The following ZSWIM9 variants were observed in gnomAD, a reference collection of about 807,000 sequenced individuals.
The protein encoded by ZSWIM9 is zinc finger SWIM-type containing 9, also known as uncharacterized protein ZSWIM9.
In ZSWIM9, 11 loss-of-function variants were observed where a neutral mutation model predicts 25.0. The observed-to-expected ratio is 0.44, with a 90% CI of 0.28 to 0.73. The LOEUF (loss-of-function observed/expected upper bound fraction) is 0.73, where lower values mean the gene tolerates loss of function less well. Among genes scored for constraint, ZSWIM9 ranks in the 30% least tolerant of loss-of-function variants. The pLI is 0.16. For missense variants in ZSWIM9, 1,070 were observed against 1,296.5 expected (o/e 0.83, Z 2.68); for synonymous variants, 562 against 582.1 (o/e 0.97, Z 0.50).
chr19:48,187,936 TTAAATAGA>T (rs1330182615), intron 3 of ZSWIM9, among the ~76,000 whole-genome samples: 14 of 130,210 alleles, frequency 1.1e-4, no homozygotes, highest in Middle Eastern at 3.8e-3. Flanking sequence ...GTGAGACCCT[TTAAATAGA>T]TAGATAGATA....
intron 3 of ZSWIM9, among the ~76,000 whole-genome samples, chr19:48,187,471 TATATATA>T (rs1453445329): frequency 4.7e-5 from 4 of 85,020 alleles, no homozygotes; most frequent in Non-Finnish European, 8.3e-5. Flanking sequence ...TTATATATAT[TATATATA>T]TTATATATTA....
At chr19:48,171,675 G>T in intron 1 of ZSWIM9, 119 bp from the exon 2 acceptor site, 1 of 1,007,436 alleles carries the variant, frequency 9.9e-7, no homozygotes, top group Non-Finnish European at 1.4e-6. Flanking sequence ...GTCCGACCCC[G>T]GGCTACCCAC....
rs372505634 is a variant in ZSWIM9 at position 48,197,390 on chromosome 19, AG to A, written c.*568del. ...AGGAGAGGAAGGGACGGGATGTAGG[AG>A]GGGGAAGAAAAATCGGAGATGAGAC... On this transcript the variant is annotated 3_prime_UTR_variant, in exon 4 of 4. Transcript: ENST00000614654. 5.5e-4 allele frequency: 357 copies of A among 643,250 alleles called. 4 individuals are homozygous for A. The East Asian group carries it at 7.5e-3, about 13-fold the overall frequency. 39.8% of individuals were successfully genotyped at this position (643,250 alleles called of 1,614,324 possible).
intron 3 of ZSWIM9, among the ~76,000 whole-genome samples, chr19:48,185,471 A>G (rs981556416): frequency 6.6e-6 from 1 of 152,228 alleles, no homozygotes; most frequent in African/African-American, 2.4e-5. Flanking sequence ...AAGAAGTTCT[A>G]GGACAGGAGA....
Position 48,194,990 on chromosome 19 carries a change from T to C in ZSWIM9, c.926T>C (p.Leu309Pro). 7.5e-7 allele frequency: 1 copy of C among 1,333,998 alleles called. No homozygotes were observed. The highest frequency in any genetic ancestry group is 9.5e-7 in the Non-Finnish European group (1 of 1,047,200). 82.6% of individuals were successfully genotyped at this position (1,333,998 alleles called of 1,614,324 possible). A position where few individuals can be genotyped will look rare whatever the true frequency, so the allele number is the denominator to read the frequency against. ...AAQLPAVRQL[L>P]PCARVQICRA... ...CAGTTGCCTGCAGTGCGCCAGCTGC[T>C]GCCCTGCGCGCGCGTGCAGATCTGC... is the stretch of plus-strand genomic sequence containing the variant. Residue 309 changes from leucine (L) to proline (P), a missense_variant, in exon 4 of 4, where the codon CTG (leucine) becomes CCG (proline). By Grantham distance (98) the Leu-to-Pro change is moderately conservative. Around this residue, in one of 4 missense-constraint regions of ZSWIM9, gnomAD observed 184 missense variants for 243.1 expected, o/e 0.76. Coordinates refer to ENST00000614654, the MANE Select transcript of ZSWIM9 (RefSeq NM_199341.4). This position sits in a 1 kb window ranked among gnomAD's most constrained non-coding sequence, Gnocchi z 6.0.
intron 2 of ZSWIM9, among the ~76,000 whole-genome samples, chr19:48,176,982 G>A (rs1030935417): frequency 6.6e-6 from 1 of 152,000 alleles, no homozygotes; most frequent in African/African-American, 2.4e-5. Context: ...GGCTGAGGCA[G>A]GAGAATTGCT....
intron 3 of ZSWIM9, among the ~76,000 whole-genome samples, chr19:48,192,480 A>AATATATATATATATATAT (rs1555787871): frequency 5.8e-4 from 10 of 17,364 alleles, no homozygotes; most frequent in Admixed American, 1.0e-3. Flanking sequence ...AAAAAAAAAA[A>AATATATATATATATATAT]ATATATATAT....
rs2037165269 is a variant in ZSWIM9, at chr19:48,196,348, G to A, written c.2284G>A (p.Gly762Arg). 2 of 1,232,750 alleles carry A rather than the reference G, an allele frequency of 1.6e-6. No individual in the cohort carries two copies. The highest frequency in any genetic ancestry group is 4.1e-5 in the South Asian group (1 of 24,360). 76.4% of individuals were successfully genotyped at this position (1,232,750 alleles called of 1,614,324 possible). Residue 762 changes from glycine to arginine, a missense_variant, in exon 4 of 4, where the codon GGG (glycine) becomes AGG (arginine). By Grantham distance (125) the Gly-to-Arg change is moderately radical (BLOSUM62 -2). Coordinates refer to ENST00000614654, the MANE Select transcript of ZSWIM9 (RefSeq NM_199341.4). ...GDAGGRCLGL[G>R]NGVVSGTPVG... ...CGCAGGAGGGCGGTGTCTAGGGCTGGGGAATGGAGTCGTGTCTGGCACCCC... is the reference window on the plus strand; with the variant it reads ...CGCAGGAGGGCGGTGTCTAGGGCTGAGGAATGGAGTCGTGTCTGGCACCCC...
rs955809363 is a variant in ZSWIM9, at chr19:48,197,121, G to A, written c.*294G>A. On this transcript the variant is annotated 3_prime_UTR_variant, in exon 4 of 4. Transcript: ENST00000614654. ...AGAGGTGTAGACAGGGTCAGGCTGG[G>A]ACAGAAGGAAGGAAAGGGGCAGAGC... 7.8e-5 allele frequency: 52 copies of A among 670,172 alleles called. No homozygotes were observed. In the East Asian group the frequency reaches 1.3e-3, roughly 17 times the overall value. 41.5% of individuals were successfully genotyped at this position (670,172 alleles called of 1,614,324 possible).
rs1342352764 is a variant in ZSWIM9, at chr19:48,195,154, G to A, written c.1090G>A (p.Glu364Lys). 12 of 1,513,838 alleles carry A rather than the reference G, an allele frequency of 7.9e-6. No individual in the cohort carries two copies. Among genetic ancestry groups the A allele is most frequent in the African/African-American group, 2.8e-5 (2 of 70,376 alleles). 93.8% of individuals were successfully genotyped at this position (1,513,838 alleles called of 1,614,324 possible). A position where few individuals can be genotyped will look rare whatever the true frequency, so the allele number is the denominator to read the frequency against. The part of the protein sequence containing the change: ...SPAAYDEALA[E>K]LHAHGPAAFV... ...CGCAGCCTACGACGAGGCGCTGGCCGAGCTCCACGCCCACGGCCCAGCCGC... is the reference window on the plus strand; with the variant it reads ...CGCAGCCTACGACGAGGCGCTGGCCAAGCTCCACGCCCACGGCCCAGCCGC... Residue 364 changes from glutamate (E) to lysine (K), a missense_variant, in exon 4 of 4, where the codon GAG (glutamate) becomes AAG (lysine). Physicochemically the swap from Glu to Lys is moderately conservative, Grantham distance 56. This residue lies in a region of ZSWIM9 where 184 missense variants were observed against 243.1 expected (regional missense o/e 0.76). Transcript: ENST00000614654. The surrounding 1 kb of genome is among the most constrained non-coding windows in gnomAD (Gnocchi z 5.8).
Position 48,176,747 on chromosome 19 carries a change from A to T in ZSWIM9, c.275+4670A>T, listed in dbSNP as rs140673627. Among the ~76,000 whole-genome samples the T allele has an allele frequency of 5.9e-5, 9 of 151,990 alleles. No homozygotes were observed. In the East Asian group the frequency reaches 1.7e-3, roughly 29 times the overall value. Reference sequence around the variant, plus strand: ...TTTAGATGCTGGGATTTCTGTGGGGAGCGTACATTACAGATGGACATAAAT... The same window carrying T: ...TTTAGATGCTGGGATTTCTGTGGGGTGCGTACATTACAGATGGACATAAAT... On this transcript the variant is annotated intron_variant, in intron 2 of 3. Coordinates refer to ENST00000614654, the MANE Select transcript of ZSWIM9 (RefSeq NM_199341.4).
intron 2 of ZSWIM9, chr19:48,174,669 C>CTTA (rs2036874886): frequency 6.6e-6 from 1 of 152,214 alleles, no homozygotes; most frequent in African/African-American, 2.4e-5. Flanking sequence ...ATTCTTGCAA[C>CTTA]TTCTTTCTCA....
intron 3 of ZSWIM9, among the ~76,000 whole-genome samples, chr19:48,189,141 T>TG (rs1568580811): frequency 6.6e-6 from 1 of 152,156 alleles, no homozygotes; most frequent in Non-Finnish European, 1.5e-5. Flanking sequence ...ATCCCACTAC[T>TG]GGTGATTTAT....
At chr19:48,185,295 A>C (rs1470150487) in intron 3 of ZSWIM9, among the ~76,000 whole-genome samples, 1 of 151,508 alleles carries the variant, frequency 6.6e-6, no homozygotes, top group Admixed American at 6.6e-5. Flanking sequence ...ATGCGCCACC[A>C]TGCTAATTTT....
Position 48,196,645 on chromosome 19 carries a change from G to A in ZSWIM9, c.2581G>A (p.Ala861Thr). ...TTTCCACTGGACCGGAGCTGGCTTT[G>A]CCCTTAAGGACGGCACCTCGGACTT... The part of the protein sequence containing the change: ...RGFHWTGAGF[A>T]LKDGTSDFFL... Residue 861 changes from alanine to threonine, a missense_variant, in exon 4 of 4, where the codon GCC (alanine) becomes ACC (threonine). Transcript: ENST00000614654. 8.1e-7 allele frequency: 1 copy of A among 1,232,704 alleles called. No homozygotes were observed. Among genetic ancestry groups the A allele is most frequent in the Non-Finnish European group, 1.0e-6 (1 of 988,404 alleles). The allele number at this position is 1,232,704 out of a possible 1,614,324, so 76.4% of individuals were successfully genotyped here. A position where few individuals can be genotyped will look rare whatever the true frequency, so the allele number is the denominator to read the frequency against.
intron 3 of ZSWIM9, chr19:48,187,707 G>A (rs1206084451): frequency 7.1e-6 from 1 of 140,210 alleles, no homozygotes; most frequent in Non-Finnish European, 1.5e-5. Flanking sequence ...GGAGGCCGAA[G>A]CGAGAGGATC....
chr19:48,196,844 C>A lies in ZSWIM9; in HGVS notation c.*17C>A. On this transcript the variant is annotated 3_prime_UTR_variant, in exon 4 of 4. Transcript: ENST00000614654. ...GAGCCCTGACCCTTCATGCCTCTGCCCACCACCCTCCACCAGGAGGGTCGG... is the reference window on the plus strand; with the variant it reads ...GAGCCCTGACCCTTCATGCCTCTGCACACCACCCTCCACCAGGAGGGTCGG... 8.0e-7 allele frequency: 1 copy of A among 1,246,054 alleles called. No individual in the cohort carries two copies. Among genetic ancestry groups the A allele is most frequent in the South Asian group, 3.9e-5 (1 of 25,852 alleles). 77.2% of individuals were successfully genotyped at this position (1,246,054 alleles called of 1,614,324 possible). A position where few individuals can be genotyped will look rare whatever the true frequency, so the allele number is the denominator to read the frequency against.
At chr19:48,186,431 A>G (rs569248190) in intron 3 of ZSWIM9, 11 of 152,392 alleles carry the variant, frequency 7.2e-5, no homozygotes, top group Non-Finnish European at 1.2e-4. Flanking sequence ...CTCCTGAGTA[A>G]CTGGGACTAT....
chr19:48,184,222 G>A (rs2036986261), intron 3 of ZSWIM9, among the ~76,000 whole-genome samples: 1 of 152,010 alleles, frequency 6.6e-6, no homozygotes, highest in South Asian at 2.1e-4. Context: ...AAGCAGAGGA[G>A]ATGGAACAGA....
Sources: allele counts gnomAD v4.1 joint callset (sites outside exome capture counted in the v4.1 genomes callset), GRCh38; gene constraint gnomAD v4.1.1; regional missense constraint gnomAD v4.1.1; non-coding constraint Gnocchi (gnomAD v3.1); transcripts MANE v1.5; gene names NCBI Gene and HGNC (gene_info 2026-07-23, HGNC 2026-07-21).